Variants in FAM3C observed in about 807,000 individuals in gnomAD.
FAM3C encodes the protein FAM3 metabolism regulating signaling molecule C, also known as protein FAM3C.
A neutral mutation model predicts 32.5 loss-of-function variants in FAM3C; 15 were observed. The observed-to-expected ratio is 0.46, with a 90% CI of 0.31 to 0.71. FAM3C has a LOEUF of 0.71. Ranked by LOEUF, FAM3C falls within the 30% of genes least tolerant of loss-of-function variation. FAM3C has a pLI of 0.05. For synonymous variants in FAM3C, 75 were observed against 86.1 expected (o/e 0.87, Z 0.72); for missense variants, 175 against 274.4 (o/e 0.64, Z 2.56).
rs983532530 is a variant in FAM3C at position 121,396,143 on chromosome 7, C to CGCCTCCCAGCCGTCTCACCG, written c.-43_-42+18dup. The CGCCTCCCAGCCGTCTCACCG allele has an allele frequency of 5.2e-5, 8 of 153,838 alleles. No individual in the cohort carries two copies. Among genetic ancestry groups the CGCCTCCCAGCCGTCTCACCG allele is most frequent in the South Asian group, 2.1e-4 (1 of 4,844 alleles). 9.5% of individuals were successfully genotyped at this position (153,838 alleles called of 1,614,324 possible). ...CCCGAACCTGAGCCCCGGCTCCGTC[C>CGCCTCCCAGCCGTCTCACCG]GCCTCCCAGCCGTCTCACCGGCCTC... On this transcript the variant is annotated intron_variant, in intron 1 of 9. Coordinates refer to ENST00000359943, the MANE Select transcript of FAM3C (RefSeq NM_014888.3).
chr7:121,351,345 C>T, intron 8 of FAM3C, 76 bp from the exon 9 acceptor site: 1 of 1,325,804 alleles, frequency 7.5e-7, no homozygotes, highest in African/African-American at 1.5e-5. Context: ...GGGATATTAA[C>T]ACAAAACATG....
At chr7:121,370,368 T>G (rs1180055636) in intron 5 of FAM3C, among the ~76,000 whole-genome samples, 3 of 152,162 alleles carry the variant, frequency 2.0e-5, no homozygotes, top group Non-Finnish European at 4.4e-5. Context: ...GGATAAAAAT[T>G]TAAGAGCTTC....
chr7:121,383,135 T>C, intron 1 of FAM3C, 125 bp from the exon 2 acceptor site: 1 of 521,340 alleles, frequency 1.9e-6, no homozygotes, highest in Non-Finnish European at 3.3e-6. Context: ...TATGCCAACA[T>C]TGGCATTAAA....
intron 3 of FAM3C, among the ~76,000 whole-genome samples, chr7:121,374,108 C>A (rs968065794): frequency 6.6e-6 from 1 of 151,644 alleles, no homozygotes; most frequent in Admixed American, 6.6e-5. Flanking sequence ...AAACTGAAAA[C>A]AACACTACAT....
chr7:121,362,274 T>A (rs2536166), intron 7 of FAM3C, among the ~76,000 whole-genome samples: 38,658 of 152,074 alleles, frequency 0.25, 5,866 homozygotes, highest in African/African-American at 0.43. Flanking sequence ...CCACTCCTTG[T>A]GGGACTTCCA....
chr7:121,380,508 T>A (rs1794328873), intron 2 of FAM3C, among the ~76,000 whole-genome samples: 1 of 151,748 alleles, frequency 6.6e-6, no homozygotes, highest in Non-Finnish European at 1.5e-5. Flanking sequence ...AGGGAACATA[T>A]AAACATAAAG....
At chr7:121,392,465 G>A (rs929335632) in intron 1 of FAM3C, among the ~76,000 whole-genome samples, 1 of 152,134 alleles carries the variant, frequency 6.6e-6, no homozygotes, top group African/African-American at 2.4e-5. Flanking sequence ...AACAACATGG[G>A]GGAAGCCGCC....
At chr7:121,362,821 C>T (rs1793952128) in intron 7 of FAM3C, 76 bp downstream of exon 7, 1 of 774,182 alleles carries the variant, frequency 1.3e-6, no homozygotes, top group Non-Finnish European at 2.2e-6. Context: ...ATCATTCTCT[C>T]ATTAATGGGC....
intron 1 of FAM3C, among the ~76,000 whole-genome samples, chr7:121,394,195 C>T (rs931845019): frequency 2.0e-5 from 3 of 152,114 alleles, no homozygotes; most frequent in African/African-American, 7.2e-5. Flanking sequence ...AAAAATGAAT[C>T]GTTCAAAACC....
intron 7 of FAM3C, chr7:121,362,635 A>G (rs1209517761): frequency 4.9e-6 from 2 of 409,698 alleles, no homozygotes; most frequent in Admixed American, 4.9e-5. Flanking sequence ...GTAGAAAACA[A>G]GATGACTTTT....
intron 5 of FAM3C, among the ~76,000 whole-genome samples, chr7:121,369,785 C>A (rs917965782): frequency 1.3e-5 from 2 of 152,152 alleles, no homozygotes; most frequent in African/African-American, 4.8e-5. Flanking sequence ...TGAGGAAAGA[C>A]CATCCTAGAC....
intron 5 of FAM3C, among the ~76,000 whole-genome samples, chr7:121,365,185 T>C (rs528876494): frequency 1.5e-4 from 23 of 152,272 alleles, no homozygotes; most frequent in Non-Finnish European, 2.1e-4. Flanking sequence ...GTATTTTAGT[T>C]GATTTTTCAA....
intron 5 of FAM3C, among the ~76,000 whole-genome samples, chr7:121,368,276 T>C (rs1039700865): frequency 3.9e-5 from 6 of 152,062 alleles, no homozygotes; most frequent in African/African-American, 1.4e-4. Context: ...AAGGAGTACC[T>C]CCAAAGCTAT....
intron 6 of FAM3C, among the ~76,000 whole-genome samples, chr7:121,363,613 A>G (rs1793968846): frequency 6.6e-6 from 1 of 152,134 alleles, no homozygotes; most frequent in Admixed American, 6.5e-5. Context: ...GAGAGGATCA[A>G]TATGCAGTTA....
chr7:121,350,887 G>A (rs1276458363), intron 9 of FAM3C, among the ~76,000 whole-genome samples: 1 of 152,056 alleles, frequency 6.6e-6, no homozygotes, highest in East Asian at 1.9e-4. Flanking sequence ...TAAAGCTTCC[G>A]AAAAGGCTTA....
At chr7:121,381,412 T>G (rs968091143) in intron 2 of FAM3C, among the ~76,000 whole-genome samples, 6 of 152,156 alleles carry the variant, frequency 3.9e-5, no homozygotes, top group Non-Finnish European at 8.8e-5. Flanking sequence ...AGACCTATAC[T>G]AGGAACAGTG....
At chr7:121,362,766 G>A (rs1457702773) in intron 7 of FAM3C, 131 bp downstream of exon 7, 2 of 647,882 alleles carry the variant, frequency 3.1e-6, no homozygotes, top group Non-Finnish European at 5.5e-6. Context: ...GACATTTAGT[G>A]AACAGAAAGT....
At chr7:121,352,020 A>G (rs1306997945) in intron 8 of FAM3C, among the ~76,000 whole-genome samples, 1 of 152,316 alleles carries the variant, frequency 6.6e-6, no homozygotes, top group Non-Finnish European at 1.5e-5. Context: ...GAGCTTAAAA[A>G]AAGAAGAAGA....
rs768266059 is a variant in FAM3C, at chr7:121,378,914, T to C, written c.114A>G (p.Leu38=). 6.2e-6 allele frequency: 9 copies of C among 1,461,250 alleles called. No homozygotes were observed. In the South Asian group the frequency reaches 9.0e-5, roughly 15 times the overall value. 90.5% of individuals were successfully genotyped at this position (1,461,250 alleles called of 1,614,324 possible). The change falls in exon 3 of 10, where the codon CTA becomes CTG. Residue 38 remains leucine (L), a synonymous_variant. Transcript: ENST00000359943. ...AAGGAAAAAAATAAAACTTACCAAA[T>C]AGATTTCCTAAACTTGCATCCATTT... The part of the protein sequence containing the change: ...EIKMDASLGN[L]FARSALDTAA...
Sources: allele counts gnomAD v4.1 joint callset (sites outside exome capture counted in the v4.1 genomes callset), GRCh38; gene constraint gnomAD v4.1.1; transcripts MANE v1.5; gene names NCBI Gene and HGNC (gene_info 2026-07-23, HGNC 2026-07-21).